RBFOX1: variants seen among roughly 807,000 people sequenced by gnomAD.
The protein encoded by RBFOX1 is RNA binding fox-1 homolog 1.
In RBFOX1, 8 loss-of-function variants were observed where a neutral mutation model predicts 57.7. The ratio of observed to expected loss-of-function variants is 0.14; its 90% CI spans 0.08 to 0.25. The LOEUF is 0.25. RBFOX1 is among the 10% of genes least tolerant of loss of function. RBFOX1 has a pLI of 1.00. For missense variants in RBFOX1, 611 were observed against 548.5 expected (o/e 1.11, Z -1.14); for synonymous variants, 326 against 222.4 (o/e 1.47, Z -4.15).
At chr16:7,504,083 A>G (rs1045343587) in intron 4 of RBFOX1, among the ~76,000 whole-genome samples, 1 of 152,184 alleles carries the variant, frequency 6.6e-6, no homozygotes, top group African/African-American at 2.4e-5. Context: ...AAAATTAACA[A>G]TAATGGCAGT....
At chr16:6,634,722 T>TATATTTGTATTGAATATATAAC (rs1353786716) in intron 2 of RBFOX1, among the ~76,000 whole-genome samples, 1 of 138,934 alleles carries the variant, frequency 7.2e-6, no homozygotes, top group Admixed American at 7.4e-5. Flanking sequence ...AAATATATAA[T>TATATTTGTATTGAATATATAAC]ACAAAGATAT....
intron 3 of RBFOX1, among the ~76,000 whole-genome samples, chr16:7,011,984 G>T (rs2093675250): frequency 6.6e-6 from 1 of 152,174 alleles, no homozygotes; most frequent in South Asian, 2.1e-4. Context: ...AGTAGATCAT[G>T]ATGTGGTGTT....
intron 2 of RBFOX1, among the ~76,000 whole-genome samples, chr16:5,476,342 A>G (rs1474677946): frequency 2.6e-5 from 4 of 152,176 alleles, no homozygotes; most frequent in Admixed American, 2.6e-4. Context: ...GAGACCAGAC[A>G]TTTCTTATAT....
At chr16:6,163,024 G>C (rs1422461776) in intron 1 of RBFOX1, among the ~76,000 whole-genome samples, 1 of 152,146 alleles carries the variant, frequency 6.6e-6, no homozygotes, top group African/African-American at 2.4e-5. Context: ...GCCAACCACT[G>C]TGCCTATCCC....
chr16:6,877,935 A>T (rs1342568100), intron 3 of RBFOX1, among the ~76,000 whole-genome samples: 2 of 152,182 alleles, frequency 1.3e-5, no homozygotes, highest in Non-Finnish European at 2.9e-5. Flanking sequence ...AAACATACAC[A>T]GAGTCTTGGA....
rs971750038 is a variant in RBFOX1 at position 7,712,990 on chromosome 16, G to T, written c.*2245G>T. On this transcript the variant is annotated 3_prime_UTR_variant, in exon 16 of 16. Coordinates refer to ENST00000550418, the MANE Select transcript of RBFOX1 (RefSeq NM_018723.4). ...GTTTTAATAAAATCATTTAGAGTGA[G>T]TGAGTGCCAACCGATGTTGCAGAAT... 3.3e-5 allele frequency: 5 copies of T among 152,200 alleles called. No individual in the cohort carries two copies. Among genetic ancestry groups the T allele is most frequent in the African/African-American group, 1.2e-4 (5 of 41,452 alleles). 9.4% of individuals were successfully genotyped at this position (152,200 alleles called of 1,614,324 possible).
chr16:7,057,124 G>C (rs1438778551), intron 4 of RBFOX1, among the ~76,000 whole-genome samples: 1 of 151,506 alleles, frequency 6.6e-6, no homozygotes, highest in East Asian at 1.9e-4. Flanking sequence ...CTTCCTCCTA[G>C]AAATACCAGG....
At chr16:7,232,705 G>C (rs1470862134) in intron 4 of RBFOX1, among the ~76,000 whole-genome samples, 3 of 152,024 alleles carry the variant, frequency 2.0e-5, no homozygotes, top group African/African-American at 7.2e-5. Context: ...GCTGGGTGTG[G>C]TGGTGCATGC....
chr16:7,625,787 T>C (rs2059987641), intron 10 of RBFOX1, among the ~76,000 whole-genome samples: 1 of 152,198 alleles, frequency 6.6e-6, no homozygotes, highest in African/African-American at 2.4e-5. Flanking sequence ...TTTCTTTTCT[T>C]CCTTCCCATC....
chr16:5,904,340 G>A (rs953319172), intron 4 of RBFOX1, among the ~76,000 whole-genome samples: 4 of 152,090 alleles, frequency 2.6e-5, no homozygotes, highest in Non-Finnish European at 5.9e-5. Context: ...CGACTTTGAT[G>A]CCTGCTCCCA....
chr16:6,580,676 C>A (rs1222345639), intron 2 of RBFOX1, among the ~76,000 whole-genome samples: 1 of 152,090 alleles, frequency 6.6e-6, no homozygotes, highest in Non-Finnish European at 1.5e-5. Flanking sequence ...CAGACATAAA[C>A]CTGCAAGGTA....
At chr16:7,633,238 G>C (rs1050414823) in intron 11 of RBFOX1, among the ~76,000 whole-genome samples, 6 of 152,264 alleles carry the variant, frequency 3.9e-5, no homozygotes, top group African/African-American at 1.4e-4. Flanking sequence ...CCAATTTAAA[G>C]GGTCGATTTT....
At chr16:7,070,677 T>G (rs1219935104) in intron 4 of RBFOX1, among the ~76,000 whole-genome samples, 1 of 152,176 alleles carries the variant, frequency 6.6e-6, no homozygotes, top group Non-Finnish European at 1.5e-5. Context: ...ATGAAGTGAT[T>G]TGGGAGCACA....
chr16:6,231,831 G>GTTTTTTTTT (rs34438828), intron 1 of RBFOX1, among the ~76,000 whole-genome samples: 1 of 123,594 alleles, frequency 8.1e-6, no homozygotes, highest in Non-Finnish European at 1.6e-5. Flanking sequence ...TAGCTTTCCA[G>GTTTTTTTTT]TTTTTTTTTT....
intron 3 of RBFOX1, among the ~76,000 whole-genome samples, chr16:5,731,250 T>C (rs1048472243): frequency 3.3e-5 from 5 of 151,678 alleles, no homozygotes; most frequent in African/African-American, 1.2e-4. Flanking sequence ...TATCAATGTC[T>C]CCACCAGCAC....
intron 3 of RBFOX1, among the ~76,000 whole-genome samples, chr16:6,785,709 G>C (rs1263889453): frequency 6.6e-6 from 1 of 152,124 alleles, no homozygotes; most frequent in African/African-American, 2.4e-5. Context: ...CCACTGTCCA[G>C]TTTAATATCA....
rs1332898069 is a variant in RBFOX1 at position 7,250,863 on chromosome 16, T to TA, written c.27+198772dup. Among the ~76,000 whole-genome samples, 13 of 152,254 alleles carry TA rather than the reference T, an allele frequency of 8.5e-5. No individual in the cohort carries two copies. The South Asian group carries it at 1.7e-3, about 19-fold the overall frequency. On this transcript the variant is annotated intron_variant, in intron 4 of 15. Coordinates refer to ENST00000550418, the MANE Select transcript of RBFOX1 (RefSeq NM_018723.4). ...GAACTTAGGACACTGGGTGATTCTT[T>TA]AAAAAAATAATAACGAATTAACTTT...
intron 14 of RBFOX1, among the ~76,000 whole-genome samples, chr16:7,682,580 C>G (rs2075045651): frequency 6.7e-6 from 1 of 150,096 alleles, no homozygotes; most frequent in Non-Finnish European, 1.5e-5. Context: ...TTTTACTCAA[C>G]CTGATGAACT....
At chr16:7,398,674 G>A (rs1010796962) in intron 4 of RBFOX1, among the ~76,000 whole-genome samples, 2 of 152,198 alleles carry the variant, frequency 1.3e-5, no homozygotes, top group Non-Finnish European at 2.9e-5. Flanking sequence ...GAAACTTATT[G>A]ATGTGATGGG....
Sources: allele counts gnomAD v4.1 joint callset (sites outside exome capture counted in the v4.1 genomes callset), GRCh38; gene constraint gnomAD v4.1.1; transcripts MANE v1.5; gene names NCBI Gene and HGNC (gene_info 2026-07-23, HGNC 2026-07-21).